Variants in NUP210L observed in about 807,000 individuals in gnomAD.
NUP210L encodes nucleoporin 210 like, also known as nuclear pore membrane glycoprotein 210-like.
NUP210L carries 74 observed loss-of-function variants against 208.5 expected under a neutral mutation model. The ratio of observed to expected loss-of-function variants is 0.35; its 90% CI spans 0.29 to 0.43. The LOEUF (loss-of-function observed/expected upper bound fraction) is 0.43, where lower values mean the gene tolerates loss of function less well. Among genes scored for constraint, NUP210L ranks in the 20% least tolerant of loss-of-function variants. The probability of loss-of-function intolerance (pLI) is 1.00; values close to 1 mark genes in which losing one functional copy is unlikely to be tolerated. For missense variants in NUP210L, 1,843 were observed against 2,289.4 expected (o/e 0.81, Z 3.98); for synonymous variants, 780 against 816.9 (o/e 0.95, Z 0.77).
chr1:154,149,087 C>CTTTTTTTTTTTTTTTTTTTTT lies in NUP210L; in HGVS notation c.340+3648_340+3649insAAAAAAAAAAAAAAAAAAAAA, dbSNP rs770217261. ...ACTACTTCAACAGCAGAAAACTTCT[C>CTTTTTTTTTTTTTTTTTTTTT]TTTTTTTTTTTTCCTGAGAAGGAGT... On this transcript the variant is annotated intron_variant, in intron 2 of 39. Coordinates refer to ENST00000368559, the Ensembl canonical transcript of NUP210L. 2.1e-4 allele frequency among the ~76,000 whole-genome samples: 25 copies of CTTTTTTTTTTTTTTTTTTTTT among 119,334 alleles called. 1 individual carries two copies. The highest frequency in any genetic ancestry group is 3.1e-4 in the Non-Finnish European group (18 of 58,446). 78.3% of individuals were successfully genotyped at this position (119,334 alleles called of 152,430 possible).
exon 11 of NUP210L, chr1:154,118,710 A>G (rs1263477126): frequency 1.2e-6 from 2 of 1,607,770 alleles, no homozygotes; most frequent in Non-Finnish European, 1.7e-6. Context: ...TAGGATGATG[A>G]GGAAATGCCA....
rs757296530 is a variant in NUP210L at position 154,146,132 on chromosome 1, ACAAT to A, written c.341-2559_341-2556del. On this transcript the variant is annotated intron_variant, in intron 2 of 39. Transcript: ENST00000368559. ...TCATAGAACTAAAAAGTAAGAAAGC[ACAAT>A]CAATCAATCAATCACAAAAATTAAA... 5.9e-5 allele frequency among the ~76,000 whole-genome samples: 9 copies of A among 152,302 alleles called. No individual in the cohort carries two copies. In the South Asian group the frequency reaches 1.9e-3, roughly 32 times the overall value.
chr1:154,060,472 T>G (rs1654076625), intron 20 of NUP210L, 68 bp downstream of exon 20: 3 of 971,152 alleles, frequency 3.1e-6, no homozygotes, highest in Middle Eastern at 2.2e-4. Flanking sequence ...CAAAATGGAA[T>G]TTTTCCAATC....
chr1:154,029,902 C>G, exon 28 of NUP210L: 1 of 1,605,646 alleles, frequency 6.2e-7, no homozygotes, highest in Admixed American at 1.7e-5. Flanking sequence ...TTACCAGGAT[C>G]TGTACTTCAT....
chr1:154,145,617 A>G (rs1475923824), intron 2 of NUP210L, among the ~76,000 whole-genome samples: 1 of 152,232 alleles, frequency 6.6e-6, no homozygotes, highest in Non-Finnish European at 1.5e-5. Flanking sequence ...AATTGAACAA[A>G]TAAGTAAATA....
chr1:154,067,379 G>A (rs993329833), intron 17 of NUP210L, among the ~76,000 whole-genome samples: 21 of 152,214 alleles, frequency 1.4e-4, no homozygotes, highest in South Asian at 4.1e-4. Context: ...AAAGGCCTTC[G>A]ACAAAATTCA....
intron 5 of NUP210L, among the ~76,000 whole-genome samples, chr1:154,139,338 G>C (rs925943684): frequency 3.9e-5 from 6 of 152,164 alleles, no homozygotes; most frequent in Admixed American, 2.6e-4. Flanking sequence ...TATATTTTAA[G>C]AGAAAATGCC....
chr1:154,064,247 T>C (rs957788106), intron 17 of NUP210L, among the ~76,000 whole-genome samples: 3 of 151,896 alleles, frequency 2.0e-5, no homozygotes, highest in African/African-American at 7.3e-5. Context: ...CTGGTATCCA[T>C]GCCTTTGTAT....
intron 32 of NUP210L, among the ~76,000 whole-genome samples, chr1:154,019,520 C>T (rs1460183037): frequency 1.3e-5 from 2 of 152,140 alleles, no homozygotes; most frequent in East Asian, 3.8e-4. Context: ...TGTACTTAGC[C>T]TGCAGGATTA....
chr1:154,019,948 A>T (rs1247546531), intron 32 of NUP210L, among the ~76,000 whole-genome samples: 1 of 152,096 alleles, frequency 6.6e-6, no homozygotes, highest in African/African-American at 2.4e-5. Context: ...CAAACAAACA[A>T]AAAAAGAGAG....
At position 154,110,886 on chromosome 1, in the gene NUP210L, GA is replaced by G. The variant is rs532830359; in HGVS notation, c.1621-6677del. Among the ~76,000 whole-genome samples, 51 of 150,952 alleles carry G rather than the reference GA, an allele frequency of 3.4e-4. No homozygotes were observed. In the East Asian group the frequency reaches 8.8e-3, roughly 26 times the overall value. On this transcript the variant is annotated intron_variant, in intron 12 of 39. Coordinates refer to ENST00000368559, the Ensembl canonical transcript of NUP210L. ...GAGCAAGACCTTGCCTGAAAAAAAA[GA>G]AAAACAAAACTGCAAAAGCAAGAGC...
At chr1:154,113,050 G>A (rs1429052957) in intron 12 of NUP210L, among the ~76,000 whole-genome samples, 1 of 151,294 alleles carries the variant, frequency 6.6e-6, no homozygotes, top group Admixed American at 6.6e-5. Flanking sequence ...TCAGCTACTT[G>A]GGAGGCTGAG....
intron 4 of NUP210L, among the ~76,000 whole-genome samples, chr1:154,140,415 C>G (rs903073837): frequency 4.8e-4 from 72 of 150,948 alleles, no homozygotes; most frequent in Non-Finnish European, 1.2e-4. Flanking sequence ...GCCTATAATC[C>G]CAGCACTTTG....
chr1:154,099,882 G>T, intron 14 of NUP210L, 116 bp downstream of exon 14: 1 of 1,058,132 alleles, frequency 9.5e-7, no homozygotes. Context: ...GGCAAGTAAA[G>T]AGAACATAAA....
chr1:154,037,756 C>A (rs1035377389), intron 27 of NUP210L, among the ~76,000 whole-genome samples: 2 of 152,048 alleles, frequency 1.3e-5, no homozygotes, highest in South Asian at 4.1e-4. Flanking sequence ...GCAGCCTCCA[C>A]CTCCTGGGTT....
intron 16 of NUP210L, among the ~76,000 whole-genome samples, chr1:154,081,860 G>A (rs1453473077): frequency 6.6e-6 from 1 of 152,066 alleles, no homozygotes; most frequent in African/African-American, 2.4e-5. Context: ...GCACAGACCT[G>A]TGGTCCCAGC....
chr1:154,065,141 CA>C (rs1399933482), intron 17 of NUP210L, among the ~76,000 whole-genome samples: 1 of 125,558 alleles, frequency 8.0e-6, no homozygotes, highest in Non-Finnish European at 1.8e-5. Context: ...AAAATAAAAT[CA>C]GGTACAATGG....
intron 18 of NUP210L, 116 bp downstream of exon 18, chr1:154,061,470 T>C (rs1174754180): frequency 3.8e-6 from 2 of 531,826 alleles, no homozygotes; most frequent in Non-Finnish European, 6.4e-6. Context: ...AGGGCCAAAA[T>C]AACAGAATTA....
At chr1:154,138,141 T>C (rs1658640358) in exon 6 of NUP210L, 1 of 1,515,508 alleles carries the variant, frequency 6.6e-7, no homozygotes, top group Non-Finnish European at 8.8e-7. Context: ...TGCAACTTGG[T>C]ATTTAATATA....
Sources: gnomAD v4.1 joint callset for allele counts (sites outside exome capture counted in the v4.1 genomes callset) on GRCh38, gnomAD v4.1.1 for gene constraint, MANE v1.5 for transcripts, NCBI Gene and HGNC (gene_info 2026-07-23, HGNC 2026-07-21) for gene names.